The following AXDND1 variants were observed in gnomAD, a reference collection of about 807,000 sequenced individuals.
The protein encoded by AXDND1 is axonemal dynein light chain domain containing 1.
Under a neutral mutation model 137.5 loss-of-function variants are expected in AXDND1, and 110 were observed. The ratio of observed to expected loss-of-function variants is 0.80; its 90% CI spans 0.69 to 0.94. AXDND1 has a LOEUF of 0.94. AXDND1 is among the 40% of genes least tolerant of loss of function. The pLI, the probability that AXDND1 is intolerant of heterozygous loss-of-function variation, is 0.00. For missense variants in AXDND1, 1,191 were observed against 1,169.8 expected (o/e 1.02, Z -0.26); for synonymous variants, 414 against 399.7 (o/e 1.04, Z -0.43).
rs913412246 is a variant in AXDND1 at position 179,438,823 on chromosome 1, C to T, written c.1564-6147C>T. Among the ~76,000 whole-genome samples, 27 of 152,200 alleles carry T rather than the reference C, an allele frequency of 1.8e-4. 1 individual carries two copies. Among genetic ancestry groups the T allele is most frequent in the Admixed American group, 1.4e-3 (21 of 15,274 alleles). On this transcript the variant is annotated intron_variant, in intron 15 of 25. Transcript: ENST00000367618. The stretch of plus-strand genomic sequence containing the variant: ...TAGCTGCCAAAAAAAGCGACTGTGT[C>T]GCTTACCATTGCTATTATTGGATAA...
intron 25 of AXDND1, among the ~76,000 whole-genome samples, chr1:179,538,559 G>C (rs1277899086): frequency 6.6e-6 from 1 of 152,198 alleles, no homozygotes; most frequent in Non-Finnish European, 1.5e-5. Context: ...CTGAGAGACA[G>C]TTTGTTGTGA....
chr1:179,386,210 C>G (rs956286617), intron 9 of AXDND1, among the ~76,000 whole-genome samples: 4 of 151,970 alleles, frequency 2.6e-5, no homozygotes, highest in African/African-American at 7.3e-5. Flanking sequence ...TGCCACCACG[C>G]CCGGCTAATT....
At chr1:179,427,494 AC>A (rs1400465208) in intron 12 of AXDND1, among the ~76,000 whole-genome samples, 1 of 152,170 alleles carries the variant, frequency 6.6e-6, no homozygotes, top group African/African-American at 2.4e-5. Flanking sequence ...AATAATTGAG[AC>A]AAAGTTCCTG....
intron 16 of AXDND1, among the ~76,000 whole-genome samples, chr1:179,460,684 T>G (rs1277830101): frequency 2.6e-5 from 4 of 152,234 alleles, no homozygotes; most frequent in Non-Finnish European, 5.9e-5. Flanking sequence ...AAAGTGTTCC[T>G]ATTTCTCCAC....
intron 17 of AXDND1, 132 bp from the exon 18 acceptor site, chr1:179,482,996 C>T (rs1398395681): frequency 1.9e-6 from 1 of 523,978 alleles, no homozygotes; most frequent in African/African-American, 2.0e-5. Flanking sequence ...TTCCCCTTTC[C>T]TCAGTTCTCA....
At chr1:179,431,693 G>A (rs72719228) in intron 14 of AXDND1, among the ~76,000 whole-genome samples, 4,423 of 152,136 alleles carry the variant, frequency 0.029, 100 homozygotes, top group Non-Finnish European at 0.048. Flanking sequence ...AGTTCTGGAA[G>A]CTGAAGCTGG....
At chr1:179,524,653 C>T (rs975410645) in intron 21 of AXDND1, among the ~76,000 whole-genome samples, 7 of 152,162 alleles carry the variant, frequency 4.6e-5, no homozygotes, top group African/African-American at 1.4e-4. Context: ...CCGTGTCCAT[C>T]CAGTCAATCA....
At chr1:179,495,513 G>A (rs1228082124) in intron 20 of AXDND1, among the ~76,000 whole-genome samples, 2 of 151,600 alleles carry the variant, frequency 1.3e-5, no homozygotes, top group African/African-American at 4.8e-5. Flanking sequence ...ATTACAATGG[G>A]GTTTTAGTAC....
chr1:179,528,497 C>A, intron 23 of AXDND1, 66 bp downstream of exon 23: 1 of 1,136,944 alleles, frequency 8.8e-7, no homozygotes, highest in Non-Finnish European at 1.3e-6. Flanking sequence ...TGATATGGTG[C>A]TAACATAACT....
intron 17 of AXDND1, among the ~76,000 whole-genome samples, chr1:179,475,972 A>G (rs1446564107): frequency 6.6e-6 from 1 of 152,116 alleles, no homozygotes; most frequent in African/African-American, 2.4e-5. Flanking sequence ...ATGCAATATG[A>G]TGGTTTTATA....
chr1:179,539,349 A>G (rs1440875020), intron 25 of AXDND1, among the ~76,000 whole-genome samples: 1 of 152,166 alleles, frequency 6.6e-6, no homozygotes, highest in African/African-American at 2.4e-5. Context: ...TTCCATGTTT[A>G]GTGCTTCCTT....
intron 12 of AXDND1, among the ~76,000 whole-genome samples, chr1:179,412,768 C>T (rs999406079): frequency 2.6e-5 from 4 of 152,110 alleles, no homozygotes; most frequent in African/African-American, 9.7e-5. Flanking sequence ...GCAGCAAAAT[C>T]TCTTTAAAAT....
At chr1:179,485,653 C>T (rs1452076321) in intron 18 of AXDND1, among the ~76,000 whole-genome samples, 4 of 152,128 alleles carry the variant, frequency 2.6e-5, no homozygotes, top group Non-Finnish European at 5.9e-5. Flanking sequence ...CACCTCCAAA[C>T]GACCACACTG....
intron 20 of AXDND1, among the ~76,000 whole-genome samples, chr1:179,500,029 T>C (rs547752506): frequency 6.6e-6 from 1 of 152,234 alleles, no homozygotes; most frequent in East Asian, 1.9e-4. Context: ...ATACAGACTC[T>C]TTCAGGGTCT....
At chr1:179,419,583 C>T (rs903647100) in intron 12 of AXDND1, among the ~76,000 whole-genome samples, 22 of 137,930 alleles carry the variant, frequency 1.6e-4, no homozygotes, top group African/African-American at 3.4e-4. Context: ...AGCTTCAGCT[C>T]GGCATCAGAG....
chr1:179,453,329 TCAC>T (rs1242562158), intron 16 of AXDND1: 1 of 152,404 alleles, frequency 6.6e-6, no homozygotes, highest in African/African-American at 2.4e-5. Flanking sequence ...CCAACAGTTT[TCAC>T]CATGCACCTG....
intron 16 of AXDND1, among the ~76,000 whole-genome samples, chr1:179,458,590 C>T (rs1475963695): frequency 3.3e-5 from 5 of 151,606 alleles, no homozygotes; most frequent in East Asian, 1.9e-4. Context: ...AATGCATGAG[C>T]GATTCAACAT....
chr1:179,388,327 T>G (rs1411291931), intron 9 of AXDND1, among the ~76,000 whole-genome samples: 1 of 152,246 alleles, frequency 6.6e-6, no homozygotes, highest in African/African-American at 2.4e-5. Flanking sequence ...ATTAATGTCT[T>G]TCAGAAGTGT....
intron 16 of AXDND1, chr1:179,456,165 A>C: frequency 7.9e-6 from 5 of 636,306 alleles, no homozygotes; most frequent in South Asian, 7.2e-5. Flanking sequence ...ATCTGTTGTA[A>C]CCTGTAGCTT....
Sources: gnomAD v4.1 joint callset for allele counts (sites outside exome capture counted in the v4.1 genomes callset) on GRCh38, gnomAD v4.1.1 for gene constraint, MANE v1.5 for transcripts, NCBI Gene and HGNC (gene_info 2026-07-23, HGNC 2026-07-21) for gene names.